PAM: variants seen among roughly 807,000 people sequenced by gnomAD.
The protein encoded by PAM is peptidylglycine alpha-amidating monooxygenase.
Under a neutral mutation model 122.1 loss-of-function variants are expected in PAM, and 72 were observed. The observed-to-expected ratio is 0.59, with a 90% CI of 0.49 to 0.72. The LOEUF is 0.72. Among genes scored for constraint, PAM ranks in the 30% least tolerant of loss-of-function variants. PAM has a pLI of 0.00. For synonymous variants in PAM, 389 were observed against 404.4 expected, an observed-to-expected ratio of 0.96 and a Z score of 0.46; for missense variants, 1,106 against 1,183.7, an observed-to-expected ratio of 0.93 and a Z score of 0.96.
At chr5:102,885,456 T>A (rs536989145) in intron 3 of PAM, among the ~76,000 whole-genome samples, 2 of 152,152 alleles carry the variant, frequency 1.3e-5, no homozygotes, top group African/African-American at 4.8e-5. Context: ...TAGTTTCATC[T>A]ATTTGACTCA....
chr5:102,933,712 T>G (rs1192932602), intron 7 of PAM, among the ~76,000 whole-genome samples: 1 of 152,224 alleles, frequency 6.6e-6, no homozygotes, highest in African/African-American at 2.4e-5. Flanking sequence ...CTCTGCCTCT[T>G]AGAAGACTAC....
intron 3 of PAM, among the ~76,000 whole-genome samples, chr5:102,881,129 T>TATACACACAC (rs145380302): frequency 6.9e-6 from 1 of 145,710 alleles, no homozygotes; most frequent in African/African-American, 2.6e-5. Flanking sequence ...TTTTTATACA[T>TATACACACAC]ACACACACAC....
chr5:102,936,064 A>G (rs1399821555), intron 7 of PAM, among the ~76,000 whole-genome samples: 1 of 151,780 alleles, frequency 6.6e-6, no homozygotes, highest in East Asian at 1.9e-4. Flanking sequence ...TTTCCTAATT[A>G]TTTTACTAAT....
intron 4 of PAM, among the ~76,000 whole-genome samples, chr5:102,903,737 T>C (rs1798695139): frequency 6.6e-6 from 1 of 151,588 alleles, no homozygotes; most frequent in Non-Finnish European, 1.5e-5. Context: ...TTACTAGCTA[T>C]GTATTAACCT....
chr5:102,830,024 C>T lies in PAM; in HGVS notation c.-373-35799C>T, dbSNP rs79943103. Reference sequence around the variant, plus strand: ...TCAATATTACACAGACCTAGCAACACGTATAGATGTTTTGGGGGTCTACCT... The same window carrying T: ...TCAATATTACACAGACCTAGCAACATGTATAGATGTTTTGGGGGTCTACCT... On this transcript the variant is annotated intron_variant, in intron 1 of 25. Transcript: ENST00000438793. Among the ~76,000 whole-genome samples the T allele has an allele frequency of 2.1e-3, 314 of 152,248 alleles. 2 individuals carry two copies. Among genetic ancestry groups the T allele is most frequent in the African/African-American group, 7.3e-3 (304 of 41,556 alleles).
chr5:102,912,182 C>T (rs976649569), intron 4 of PAM, among the ~76,000 whole-genome samples: 1 of 151,914 alleles, frequency 6.6e-6, no homozygotes, highest in Non-Finnish European at 1.5e-5. Context: ...GAAATTTATC[C>T]ACCCATAATA....
At chr5:102,986,810 C>A (rs1187985432) in intron 15 of PAM, among the ~76,000 whole-genome samples, 1 of 152,118 alleles carries the variant, frequency 6.6e-6, no homozygotes, top group Admixed American at 6.6e-5. Context: ...CTCACGAGAT[C>A]TGATGGTTTT....
intron 23 of PAM, 41 bp from the exon 24 acceptor site, chr5:103,025,090 T>G (rs748554334): frequency 1.4e-6 from 2 of 1,456,016 alleles, no homozygotes; most frequent in Non-Finnish European, 1.9e-6. Context: ...TTTTGAAATC[T>G]TTGAGTCAGT....
chr5:102,866,267 A>G lies in PAM; in HGVS notation c.72A>G (p.Pro24=). Residue 24 remains proline (P), a synonymous_variant, in exon 2 of 26, where the codon CCA becomes CCG. Coordinates refer to ENST00000438793, the MANE Select transcript of PAM (RefSeq NM_001177306.2). Reference sequence around the variant, plus strand: ...GCAGCTGTTTGGCTTTCCGAAGCCCACTTTCTGTCTTTAAGAGGTGGGTGT... The same window carrying G: ...GCAGCTGTTTGGCTTTCCGAAGCCCGCTTTCTGTCTTTAAGAGGTGGGTGT... The part of the protein sequence containing the change: ...FPSSCLAFRS[P]LSVFKRFKET... The G allele has an allele frequency of 6.2e-7, 1 of 1,611,422 alleles. No individual in the cohort carries two copies. Among genetic ancestry groups the G allele is most frequent in the Non-Finnish European group, 8.5e-7 (1 of 1,177,682 alleles).
upstream of PAM, chr5:102,755,079 G>A (rs916335013): frequency 5.2e-5 from 8 of 152,592 alleles, no homozygotes; most frequent in South Asian, 1.7e-3. Context: ...GGGCGGAGCA[G>A]AGGCCGCCGG....
intron 5 of PAM, among the ~76,000 whole-genome samples, chr5:102,921,909 G>C (rs1454006827): frequency 1.3e-5 from 2 of 152,126 alleles, no homozygotes; most frequent in Non-Finnish European, 2.9e-5. Context: ...TAAACTCTCT[G>C]AGCTTATTCA....
chr5:103,011,029 C>T (rs1279607700), intron 21 of PAM, among the ~76,000 whole-genome samples: 5 of 152,136 alleles, frequency 3.3e-5, no homozygotes, highest in Non-Finnish European at 7.4e-5. Context: ...CTTATTCATT[C>T]TGATTTTTTT....
chr5:102,962,304 A>G (rs1762739643), intron 14 of PAM, among the ~76,000 whole-genome samples: 2 of 151,828 alleles, frequency 1.3e-5, no homozygotes, highest in Non-Finnish European at 2.9e-5. Context: ...AAAGCACTAA[A>G]TGGCTGAGTA....
intron 1 of PAM, among the ~76,000 whole-genome samples, chr5:102,761,091 G>A (rs1033100534): frequency 4.6e-5 from 7 of 152,138 alleles, no homozygotes; most frequent in East Asian, 3.8e-4. Flanking sequence ...GCAGCACCTC[G>A]GCAGTGCCTG....
At chr5:102,926,249 C>T (rs909735986) in intron 6 of PAM, among the ~76,000 whole-genome samples, 21 of 152,156 alleles carry the variant, frequency 1.4e-4, no homozygotes, top group African/African-American at 4.8e-4. Context: ...CGCCCGCCAC[C>T]GCGCCCGGCT....
chr5:102,783,737 A>T (rs1581022995), intron 1 of PAM, among the ~76,000 whole-genome samples: 2 of 152,296 alleles, frequency 1.3e-5, no homozygotes, highest in Middle Eastern at 6.8e-3. Flanking sequence ...TATGAGGGCC[A>T]CTTAACTAGA....
At chr5:102,855,532 A>G (rs1782409699) in intron 1 of PAM, among the ~76,000 whole-genome samples, 1 of 152,208 alleles carries the variant, frequency 6.6e-6, no homozygotes, top group African/African-American at 2.4e-5. Context: ...GTGAAAATCT[A>G]GACATTTCCT....
intron 1 of PAM, among the ~76,000 whole-genome samples, chr5:102,826,304 A>G (rs1401946595): frequency 6.6e-6 from 1 of 152,190 alleles, no homozygotes; most frequent in African/African-American, 2.4e-5. Context: ...TTCTCCCTAA[A>G]CAGATAGTTT....
At chr5:102,984,676 G>C (rs993994628) in intron 15 of PAM, among the ~76,000 whole-genome samples, 2 of 152,144 alleles carry the variant, frequency 1.3e-5, no homozygotes, top group Admixed American at 6.5e-5. Flanking sequence ...GCATCGGACA[G>C]ATCATGTAGA....
Sources: allele counts gnomAD v4.1 joint callset (sites outside exome capture counted in the v4.1 genomes callset), GRCh38; gene constraint gnomAD v4.1.1; transcripts MANE v1.5; gene names NCBI Gene and HGNC (gene_info 2026-07-23, HGNC 2026-07-21).